Variants in ZNF81 observed in about 807,000 individuals in gnomAD.
ZNF81 encodes the protein zinc finger protein 81.
ZNF81 carries 5 observed loss-of-function variants against 32.3 expected under a neutral mutation model. That is an observed-to-expected ratio of 0.15 (90% CI 0.08 to 0.33). ZNF81 has a LOEUF of 0.33. Ranked by LOEUF, ZNF81 falls within the 10% of genes least tolerant of loss-of-function variation. ZNF81 has a pLI of 1.00. For synonymous variants in ZNF81, 163 were observed against 166.8 expected, an observed-to-expected ratio of 0.98 and a Z score of 0.17; for missense variants, 379 against 479.8, an observed-to-expected ratio of 0.79 and a Z score of 1.96.
In ZNF81 at chrX:47,914,952, G is replaced by A; in HGVS notation, c.306G>A (p.Gln102=). 1 of 1,208,562 alleles carries A rather than the reference G, an allele frequency of 8.3e-7. No homozygotes were observed. The highest frequency in any genetic ancestry group is 1.1e-6 in the Non-Finnish European group (1 of 894,269). The change falls in exon 5 of 5, where the codon CAG becomes CAA. Residue 102 remains glutamine (Q), a synonymous_variant. Transcript: ENST00000338637. ...SDGKFGIKPS[Q]RRISGKSTFH... ...GGAAATTTGGAATTAAGCCTTCCCAGAGGAGAATTTCTGGGAAATCTACAT... is the reference window on the plus strand; with the variant it reads ...GGAAATTTGGAATTAAGCCTTCCCAAAGGAGAATTTCTGGGAAATCTACAT...
intron 2 of ZNF81, among the ~76,000 whole-genome samples, chrX:47,853,825 C>T (rs1569374973): frequency 8.9e-6 from 1 of 111,981 alleles, no homozygotes; most frequent in East Asian, 2.8e-4. Flanking sequence ...GCTGGGATTA[C>T]TGGTGTGAGC....
Position 47,859,139 on chromosome X carries a change from C to CT in ZNF81, c.54+12825dup, listed in dbSNP as rs1337502402. 1.3e-4 allele frequency among the ~76,000 whole-genome samples: 14 copies of CT among 109,660 alleles called. No individual in the cohort carries two copies. The East Asian group carries it at 2.5e-3, about 20-fold the overall frequency. ...AGAAAGGAAAAGAAAGGTTTAAATT[C>CT]TTTTTTTGGTTCTTTAAGTGGTTAC... is the stretch of plus-strand genomic sequence containing the variant. On this transcript the variant is annotated intron_variant, in intron 2 of 4. Transcript: ENST00000338637.
In ZNF81 at chrX:47,906,690, G is replaced by A. The variant is rs187531321; in HGVS notation, c.278-8234G>A. Among the ~76,000 whole-genome samples the A allele has an allele frequency of 8.1e-3, 901 of 111,280 alleles. 7 individuals carry two copies. The highest frequency in any genetic ancestry group is 0.029 in the African/African-American group (877 of 30,638). Reference sequence around the variant, plus strand: ...AAATTAGCCAGGCATGGTGGCTGGCGCCTGTAATTCCAGCTACTCAGAAGG... The same window carrying A: ...AAATTAGCCAGGCATGGTGGCTGGCACCTGTAATTCCAGCTACTCAGAAGG... On this transcript the variant is annotated intron_variant, in intron 4 of 4. Transcript: ENST00000338637.
At chrX:47,893,197 G>C (rs1209190559) in intron 3 of ZNF81, among the ~76,000 whole-genome samples, 2 of 111,303 alleles carry the variant, frequency 1.8e-5, no homozygotes, top group African/African-American at 3.3e-5. Context: ...GAAGGGAAAG[G>C]TCTGGCAGGA....
intron 4 of ZNF81, 30 bp from the exon 5 acceptor site, chrX:47,914,894 G>C (rs782000638): frequency 3.4e-6 from 4 of 1,193,646 alleles, no homozygotes; most frequent in Non-Finnish European, 4.5e-6. Flanking sequence ...TATTGTTTGT[G>C]TCAATTTTAC....
chrX:47,913,851 A>G (rs2058747165), intron 4 of ZNF81, among the ~76,000 whole-genome samples: 1 of 111,515 alleles, frequency 9.0e-6, no homozygotes, highest in Admixed American at 9.5e-5. Context: ...ATTGAAACCC[A>G]TCGAGAAGAG....
At position 47,915,178 on chromosome X, in the gene ZNF81, C is replaced by T. The variant is rs782814815; in HGVS notation, c.532C>T (p.Pro178Ser). 5 of 1,201,871 alleles carry T rather than the reference C, an allele frequency of 4.2e-6. No individual in the cohort carries two copies. In the South Asian group the frequency reaches 9.1e-5, roughly 22 times the overall value. ...EYKDFGKFVH[P>S]SPNLILSQKR... The stretch of plus-strand genomic sequence containing the variant: ...TAAAGACTTTGGAAAATTTGTTCAT[C>T]CAAGCCCAAATCTCATTCTTTCACA... The change falls in exon 5 of 5, where the codon CCA (proline) becomes TCA (serine). Residue 178 changes from proline to serine, a missense_variant. Physicochemically the swap from Pro to Ser is moderately conservative, Grantham distance 74. Transcript: ENST00000338637.
Position 47,922,861 on chromosome X carries a change from T to C in ZNF81, c.*6229T>C, listed in dbSNP as rs193182895. Among the ~76,000 whole-genome samples, 212 of 111,615 alleles carry C rather than the reference T, an allele frequency of 1.9e-3. 3 individuals are homozygous for C. Among genetic ancestry groups the C allele is most frequent in the African/African-American group, 6.6e-3 (204 of 30,736 alleles). The stretch of plus-strand genomic sequence containing the variant: ...AAGGAACGGTTCCATGCCTCTCTCC[T>C]AGCTTTTGAGAGCTTCAGGTGTTAT... On this transcript the variant is annotated 3_prime_UTR_variant, in exon 5 of 5. Transcript: ENST00000338637.
chrX:47,901,609 T>A (rs1031601408), intron 4 of ZNF81, among the ~76,000 whole-genome samples: 1 of 111,811 alleles, frequency 8.9e-6, no homozygotes, highest in African/African-American at 3.3e-5. Context: ...TTTTTACTGA[T>A]TTTTAGATGT....
At chrX:47,842,564 G>T (rs782019667) in intron 1 of ZNF81, 1 of 111,382 alleles carries the variant, frequency 9.0e-6, no homozygotes, top group Admixed American at 9.5e-5. Flanking sequence ...TGTGTTTGTT[G>T]TTTTAATTTT....
rs1036431189 is a variant in ZNF81, at chrX:47,873,766, A to G, written c.55-14233A>G. 4.5e-5 allele frequency among the ~76,000 whole-genome samples: 5 copies of G among 111,457 alleles called. No individual in the cohort carries two copies. The Admixed American group carries it at 4.8e-4, about 11-fold the overall frequency. Reference sequence around the variant, plus strand: ...ACTGCAACCTCCGCCTCCTGGGTATAAGTGATTCTCCTGCCTCAGCCTCCC... The same window carrying G: ...ACTGCAACCTCCGCCTCCTGGGTATGAGTGATTCTCCTGCCTCAGCCTCCC... On this transcript the variant is annotated intron_variant, in intron 2 of 4. Transcript: ENST00000338637.
At chrX:47,902,648 A>T (rs782553343) in intron 4 of ZNF81, among the ~76,000 whole-genome samples, 6 of 112,799 alleles carry the variant, frequency 5.3e-5, no homozygotes, top group South Asian at 3.6e-4. Context: ...AAAAACAATT[A>T]AAAAATATCT....
At chrX:47,881,989 C>T (rs1357446012) in intron 2 of ZNF81, among the ~76,000 whole-genome samples, 1 of 111,151 alleles carries the variant, frequency 9.0e-6, no homozygotes, top group Non-Finnish European at 1.9e-5. Flanking sequence ...GTTGCCCAGC[C>T]TAGTCTCAAG....
chrX:47,845,916 T>C (rs992537563), intron 1 of ZNF81, among the ~76,000 whole-genome samples, 189 bp from the exon 2 acceptor site: 5 of 112,407 alleles, frequency 4.4e-5, no homozygotes, highest in Non-Finnish European at 9.4e-5. Context: ...AATTTAAACC[T>C]TTATTAATTT....
rs546447484 is a variant in ZNF81, at chrX:47,868,512, C to T, written c.55-19487C>T. Among the ~76,000 whole-genome samples, 19 of 110,915 alleles carry T rather than the reference C, an allele frequency of 1.7e-4. No homozygotes were observed. The South Asian group carries it at 5.4e-3, about 31-fold the overall frequency. ...AGACCTTCGTGGTGATTTTTGGTTCCGTCATTAAATTACTCCAAATAGTTC... is the reference window on the plus strand; with the variant it reads ...AGACCTTCGTGGTGATTTTTGGTTCTGTCATTAAATTACTCCAAATAGTTC... On this transcript the variant is annotated intron_variant, in intron 2 of 4. Transcript: ENST00000338637.
rs1421425218 is a variant in ZNF81 at position 47,923,384 on chromosome X, G to C, written c.*6752G>C. On this transcript the variant is annotated 3_prime_UTR_variant, in exon 5 of 5. Transcript: ENST00000338637. ...GGCCTAAGACCAAAGCTTGTGCTTT[G>C]GGTCGAGAAGGATATGCCTATAGAA... 9.0e-6 allele frequency among the ~76,000 whole-genome samples: 1 copy of C among 111,291 alleles called. No homozygotes were observed. Among genetic ancestry groups the C allele is most frequent in the Non-Finnish European group, 1.9e-5 (1 of 53,013 alleles).
chrX:47,910,898 A>AT (rs1165966832), intron 4 of ZNF81, among the ~76,000 whole-genome samples: 5 of 109,838 alleles, frequency 4.6e-5, no homozygotes, highest in Admixed American at 9.7e-5. Flanking sequence ...TGCAATTCCT[A>AT]TTTTTTCTTT....
At position 47,918,129 on chromosome X, in the gene ZNF81, A is replaced by G. The variant is rs1324846769; in HGVS notation, c.*1497A>G. 1 of 110,947 alleles carries G rather than the reference A, an allele frequency of 9.0e-6. No homozygotes were observed. The highest frequency in any genetic ancestry group is 1.9e-5 in the Non-Finnish European group (1 of 53,044). The allele number at this position is 110,947 out of a possible 1,213,427, so 9.1% of individuals were successfully genotyped here. A position where few individuals can be genotyped will look rare whatever the true frequency, so the allele number is the denominator to read the frequency against. On this transcript the variant is annotated 3_prime_UTR_variant, in exon 5 of 5. Transcript: ENST00000338637. ...TTTGCTTCTTTTAGCTGCATATGAT[A>G]CGATACAGAAAGAGAGAAATGAACT... is the stretch of plus-strand genomic sequence containing the variant.
intron 2 of ZNF81, among the ~76,000 whole-genome samples, chrX:47,849,396 G>A (rs111540027): frequency 7.6e-4 from 85 of 111,578 alleles, no homozygotes; most frequent in African/African-American, 2.4e-3. Flanking sequence ...AGCTGGGCGC[G>A]GTGGCTCACA....
Sources: gnomAD v4.1 joint callset for allele counts (sites outside exome capture counted in the v4.1 genomes callset) on GRCh38, gnomAD v4.1.1 for gene constraint, MANE v1.5 for transcripts, NCBI Gene and HGNC (gene_info 2026-07-23, HGNC 2026-07-21) for gene names.